The following CCBE1 variants were observed in gnomAD, a reference collection of about 807,000 sequenced individuals.
CCBE1 encodes the protein collagen and calcium-binding EGF domain-containing protein 1.
A neutral mutation model predicts 50.0 loss-of-function variants in CCBE1; 37 were observed. The observed-to-expected ratio is 0.74, with a 90% CI of 0.57 to 0.97. The LOEUF (loss-of-function observed/expected upper bound fraction) is 0.97. Ranked by LOEUF, CCBE1 falls within the 50% of genes least tolerant of loss-of-function variation. CCBE1 has a pLI of 0.00. For missense variants in CCBE1, 538 were observed against 523.8 expected (o/e 1.03, Z -0.26); for synonymous variants, 234 against 203.7 (o/e 1.15, Z -1.27).
intron 2 of CCBE1, among the ~76,000 whole-genome samples, chr18:59,485,235 G>GC (rs1410144207): frequency 1.3e-5 from 2 of 152,128 alleles, no homozygotes; most frequent in Non-Finnish European, 2.9e-5. Context: ...CCCCCTGGGT[G>GC]CCCCTGAGTA....
intron 7 of CCBE1, among the ~76,000 whole-genome samples, chr18:59,440,377 T>C (rs997971949): frequency 1.3e-5 from 2 of 152,248 alleles, no homozygotes; most frequent in Admixed American, 6.5e-5. Context: ...TTCAGATATA[T>C]ACACAGCACT....
intron 2 of CCBE1, among the ~76,000 whole-genome samples, chr18:59,679,621 A>G (rs2054558490): frequency 6.6e-6 from 1 of 152,078 alleles, no homozygotes; most frequent in Non-Finnish European, 1.5e-5. Context: ...TCAGCTTTTC[A>G]CCCTCAAAAT....
In CCBE1 at chr18:59,696,486, A is replaced by T. The variant is rs1048429507; in HGVS notation, c.212+143T>A. ...ATCCAACCAACCCTCAAAGATTCGCACCGCGCGGCACGCACCCAGCAGGTT... is the reference window on the plus strand; with the variant it reads ...ATCCAACCAACCCTCAAAGATTCGCTCCGCGCGGCACGCACCCAGCAGGTT... On this transcript the variant is annotated intron_variant, in intron 2 of 10. Coordinates refer to ENST00000439986, the MANE Select transcript of CCBE1 (RefSeq NM_133459.4). 7.9e-5 allele frequency: 120 copies of T among 1,524,350 alleles called. 1 individual carries two copies. The highest frequency in any genetic ancestry group is 7.9e-5 in the Admixed American group (4 of 50,670). 94.4% of individuals were successfully genotyped at this position (1,524,350 alleles called of 1,614,324 possible).
Position 59,621,821 on chromosome 18 carries a change from T to C in CCBE1, c.212+74808A>G, listed in dbSNP as rs12608308. Among the ~76,000 whole-genome samples, 395 of 152,326 alleles carry C rather than the reference T, an allele frequency of 2.6e-3. 10 individuals carry two copies. The East Asian group carries it at 0.037, about 14-fold the overall frequency. On this transcript the variant is annotated intron_variant, in intron 2 of 10. Coordinates refer to ENST00000439986, the MANE Select transcript of CCBE1 (RefSeq NM_133459.4). ...TATTTTCTTTTAGTCTTTGCCTTAA[T>C]GTCAGAAATCAAACATCACGAACAT...
chr18:59,606,796 C>T lies in CCBE1; in HGVS notation c.212+89833G>A, dbSNP rs375330356. Among the ~76,000 whole-genome samples the T allele has an allele frequency of 3.9e-5, 6 of 152,302 alleles. No homozygotes were observed. In the East Asian group the frequency reaches 9.6e-4, roughly 24 times the overall value. The stretch of plus-strand genomic sequence containing the variant: ...ATGGGTTAACCTTATATTTGCAACA[C>T]GAATGCTATTTCTCTCACTACATAT... On this transcript the variant is annotated intron_variant, in intron 2 of 10. Coordinates refer to ENST00000439986, the MANE Select transcript of CCBE1 (RefSeq NM_133459.4).
chr18:59,513,232 G>A (rs9748415), intron 2 of CCBE1, among the ~76,000 whole-genome samples: 43,295 of 152,018 alleles, frequency 0.28, 6,359 homozygotes, highest in Middle Eastern at 0.36. Context: ...CGCTTGAACC[G>A]GGGAAGCAGA....
At chr18:59,592,696 T>C (rs1376329852) in intron 2 of CCBE1, among the ~76,000 whole-genome samples, 1 of 152,190 alleles carries the variant, frequency 6.6e-6, no homozygotes, top group African/African-American at 2.4e-5. Flanking sequence ...ACTAATGAGA[T>C]TGGTGGACAG....
At chr18:59,537,371 G>A (rs1002588951) in intron 2 of CCBE1, among the ~76,000 whole-genome samples, 3 of 152,116 alleles carry the variant, frequency 2.0e-5, no homozygotes, top group Admixed American at 6.5e-5. Context: ...TAATTCCCAC[G>A]TGTTGTGGGA....
At chr18:59,544,881 A>G (rs1915621471) in intron 2 of CCBE1, among the ~76,000 whole-genome samples, 1 of 152,226 alleles carries the variant, frequency 6.6e-6, no homozygotes, top group South Asian at 2.1e-4. Context: ...AACGAATTGG[A>G]ACATTTAGCA....
At chr18:59,585,312 C>T (rs2053162671) in intron 2 of CCBE1, among the ~76,000 whole-genome samples, 1 of 152,140 alleles carries the variant, frequency 6.6e-6, no homozygotes, top group South Asian at 2.1e-4. Flanking sequence ...CACTTCAATG[C>T]TATCTGAAAT....
At chr18:59,489,330 CACAG>C (rs1912977973) in intron 2 of CCBE1, among the ~76,000 whole-genome samples, 2 of 152,250 alleles carry the variant, frequency 1.3e-5, no homozygotes, top group African/African-American at 4.8e-5. Flanking sequence ...CCTCAGCAGA[CACAG>C]ACACTCAGAT....
At chr18:59,623,630 T>C (rs1200247528) in intron 2 of CCBE1, among the ~76,000 whole-genome samples, 1 of 152,200 alleles carries the variant, frequency 6.6e-6, no homozygotes, top group Non-Finnish European at 1.5e-5. Flanking sequence ...TCACAAGTCT[T>C]ATCCTGTACG....
intron 2 of CCBE1, among the ~76,000 whole-genome samples, chr18:59,595,138 T>C (rs928860738): frequency 1.4e-5 from 2 of 143,224 alleles, no homozygotes; most frequent in African/African-American, 2.9e-5. Flanking sequence ...AAAAAATCCA[T>C]TCTCTAAGGT....
At chr18:59,497,488 T>G (rs367561654) in intron 2 of CCBE1, among the ~76,000 whole-genome samples, 64 of 152,332 alleles carry the variant, frequency 4.2e-4, no homozygotes, top group Admixed American at 1.5e-3. Flanking sequence ...CAGGGCCAGC[T>G]TGGCCTGGTT....
intron 2 of CCBE1, among the ~76,000 whole-genome samples, chr18:59,599,206 A>G (rs1032775972): frequency 1.3e-5 from 2 of 152,230 alleles, no homozygotes; most frequent in African/African-American, 4.8e-5. Context: ...AAGAGGAAGA[A>G]AGGAGAGATG....
chr18:59,641,718 A>T (rs961290241), intron 2 of CCBE1, among the ~76,000 whole-genome samples: 1 of 152,242 alleles, frequency 6.6e-6, no homozygotes, highest in African/African-American at 2.4e-5. Flanking sequence ...TGATATTGGT[A>T]AGGAAATAGA....
At chr18:59,437,921 T>C (rs1910232611) in intron 10 of CCBE1, among the ~76,000 whole-genome samples, 190 bp downstream of exon 10, 1 of 152,118 alleles carries the variant, frequency 6.6e-6, no homozygotes, top group Non-Finnish European at 1.5e-5. Context: ...GAAAACAAAT[T>C]TGAAAAATAA....
chr18:59,500,944 C>G (rs1913590173), intron 2 of CCBE1, among the ~76,000 whole-genome samples: 1 of 152,236 alleles, frequency 6.6e-6, no homozygotes, highest in Admixed American at 6.5e-5. Context: ...CAGAGCTCCT[C>G]TGAATCCCCA....
Position 59,654,996 on chromosome 18 carries a change from A to C in CCBE1, c.212+41633T>G, listed in dbSNP as rs548592343. 2.2e-3 allele frequency among the ~76,000 whole-genome samples: 335 copies of C among 151,832 alleles called. 4 individuals are homozygous for C. The highest frequency in any genetic ancestry group is 7.7e-3 in the African/African-American group (320 of 41,392). Reference sequence around the variant, plus strand: ...CAGCTACTTGGAAGGCTGAGGCAGGACAATCACTTAAACCTGGGAGGCGGA... The same window carrying C: ...CAGCTACTTGGAAGGCTGAGGCAGGCCAATCACTTAAACCTGGGAGGCGGA... On this transcript the variant is annotated intron_variant, in intron 2 of 10. Coordinates refer to ENST00000439986, the MANE Select transcript of CCBE1 (RefSeq NM_133459.4).
Sources: allele counts gnomAD v4.1 joint callset (sites outside exome capture counted in the v4.1 genomes callset), GRCh38; gene constraint gnomAD v4.1.1; transcripts MANE v1.5; gene names NCBI Gene and HGNC (gene_info 2026-07-23, HGNC 2026-07-21).